Variants in ADAMTS17 observed in about 807,000 individuals in gnomAD.
ADAMTS17 encodes A disintegrin and metalloproteinase with thrombospondin motifs 17.
In ADAMTS17, 113 loss-of-function variants were observed where a neutral mutation model predicts 141.5. That is an observed-to-expected ratio of 0.80 (90% confidence interval 0.69 to 0.93). The LOEUF (loss-of-function observed/expected upper bound fraction) is 0.93. Ranked by LOEUF, ADAMTS17 falls within the 40% of genes least tolerant of loss-of-function variation. The pLI is 0.00. For synonymous variants in ADAMTS17, 768 were observed against 630.6 expected, an observed-to-expected ratio of 1.22 and a Z score of -3.27; for missense variants, 1,659 against 1,517.9, an observed-to-expected ratio of 1.09 and a Z score of -1.54.
At position 99,974,313 on chromosome 15, in the gene ADAMTS17, G is replaced by A. The variant is rs1387237753; in HGVS notation, c.*89C>T. 4 of 1,559,396 alleles carry A rather than the reference G, an allele frequency of 2.6e-6. No individual in the cohort carries two copies. In the Admixed American group the frequency reaches 6.7e-5, roughly 26 times the overall value. ...GTAGTTGGATTCTTGTGGCAGCCGG[G>A]TGGGGGCGTGGCCACAAGGCTGGTA... On this transcript the variant is annotated 3_prime_UTR_variant, in exon 22 of 22. Transcript: ENST00000268070.
intron 15 of ADAMTS17, among the ~76,000 whole-genome samples, chr15:100,077,362 T>C (rs1274734511): frequency 6.8e-6 from 1 of 147,504 alleles, no homozygotes; most frequent in Non-Finnish European, 1.5e-5. Flanking sequence ...CTCAGGAGGC[T>C]GAGGCACGAG....
chr15:100,221,014 C>T (rs1408205089), intron 7 of ADAMTS17, among the ~76,000 whole-genome samples: 1 of 152,180 alleles, frequency 6.6e-6, no homozygotes, highest in Non-Finnish European at 1.5e-5. Context: ...TTCCAATTCT[C>T]TTGGGTACCT....
intron 15 of ADAMTS17, among the ~76,000 whole-genome samples, chr15:100,068,498 C>A (rs1445949860): frequency 1.3e-5 from 2 of 152,170 alleles, no homozygotes; most frequent in East Asian, 3.8e-4. Context: ...TGGGAGGCAC[C>A]CCCCAGTAGG....
chr15:100,134,235 G>C (rs528860523), intron 10 of ADAMTS17, among the ~76,000 whole-genome samples: 1 of 152,184 alleles, frequency 6.6e-6, no homozygotes, highest in South Asian at 2.1e-4. Flanking sequence ...GGATGGCCCC[G>C]CTGCCGACAG....
intron 20 of ADAMTS17, among the ~76,000 whole-genome samples, chr15:99,989,258 C>G (rs1291109763): frequency 6.6e-6 from 1 of 152,142 alleles, no homozygotes; most frequent in Non-Finnish European, 1.5e-5. Context: ...GGGTACCCCA[C>G]AAAAAGGAAA....
chr15:100,206,160 C>T (rs1028170195), intron 7 of ADAMTS17, among the ~76,000 whole-genome samples: 2 of 152,208 alleles, frequency 1.3e-5, no homozygotes, highest in Non-Finnish European at 2.9e-5. Context: ...CTTGGAGTTC[C>T]CTTTCAGGAG....
At chr15:100,289,496 A>G (rs1179447399) in intron 3 of ADAMTS17, among the ~76,000 whole-genome samples, 1 of 152,182 alleles carries the variant, frequency 6.6e-6, no homozygotes, top group East Asian at 1.9e-4. Context: ...TATGGTCAGC[A>G]TCATTCTGAT....
chr15:99,987,839 C>G (rs2060621225), intron 20 of ADAMTS17, among the ~76,000 whole-genome samples: 1 of 151,950 alleles, frequency 6.6e-6, no homozygotes, highest in South Asian at 2.1e-4. Context: ...GGGGAGGTGC[C>G]CAGCCCCCAA....
chr15:100,140,746 C>T (rs1370664021), intron 10 of ADAMTS17, among the ~76,000 whole-genome samples: 2 of 151,916 alleles, frequency 1.3e-5, no homozygotes, highest in East Asian at 1.9e-4. Flanking sequence ...GTTACACTAC[C>T]TCTCCATCAG....
chr15:100,304,145 T>C (rs968131066), intron 3 of ADAMTS17, among the ~76,000 whole-genome samples: 18 of 152,164 alleles, frequency 1.2e-4, no homozygotes, highest in Admixed American at 6.5e-4. Flanking sequence ...CCAGGCTATA[T>C]CATCTCGAAC....
At chr15:100,097,535 C>G (rs1438399047) in intron 14 of ADAMTS17, among the ~76,000 whole-genome samples, 1 of 152,260 alleles carries the variant, frequency 6.6e-6, no homozygotes, top group African/African-American at 2.4e-5. Context: ...GGGTGCCAGG[C>G]TGGCTGCACG....
intron 18 of ADAMTS17, among the ~76,000 whole-genome samples, chr15:100,029,890 C>G (rs1230801196): frequency 6.6e-6 from 1 of 152,198 alleles, no homozygotes; most frequent in Admixed American, 6.5e-5. Flanking sequence ...AGAGCCCTAG[C>G]TAGAAATGTA....
At chr15:100,341,768 G>C in intron 1 of ADAMTS17, 53 bp downstream of exon 1, 1 of 1,535,702 alleles carries the variant, frequency 6.5e-7, no homozygotes. Context: ...AGAACGCAGA[G>C]GGAAGGTAGC....
chr15:100,325,742 A>G (rs2045880470), intron 3 of ADAMTS17, among the ~76,000 whole-genome samples: 1 of 152,158 alleles, frequency 6.6e-6, no homozygotes, highest in Non-Finnish European at 1.5e-5. Flanking sequence ...CCAGAAACAG[A>G]CACTGACACT....
At chr15:100,038,322 C>A (rs1240028300) in intron 18 of ADAMTS17, among the ~76,000 whole-genome samples, 1 of 152,128 alleles carries the variant, frequency 6.6e-6, no homozygotes, top group African/African-American at 2.4e-5. Context: ...CTTTGTTATT[C>A]TTTTCTAAGA....
chr15:99,972,038 T>G lies in ADAMTS17; in HGVS notation c.*2364A>C, dbSNP rs1206789114. Reference sequence around the variant, plus strand: ...AGGCTGAGGCGGGTGGATCATGAGGTCAGGAGATCGAGACCATCCTGGCTA... The same window carrying G: ...AGGCTGAGGCGGGTGGATCATGAGGGCAGGAGATCGAGACCATCCTGGCTA... On this transcript the variant is annotated 3_prime_UTR_variant, in exon 22 of 22. Transcript: ENST00000268070. 2 of 152,212 alleles carry G rather than the reference T, an allele frequency of 1.3e-5. No individual in the cohort carries two copies. Among genetic ancestry groups the G allele is most frequent in the African/African-American group, 4.8e-5 (2 of 41,412 alleles). The allele number at this position is 152,212 out of a possible 1,614,324, so 9.4% of individuals were successfully genotyped here.
intron 15 of ADAMTS17, among the ~76,000 whole-genome samples, chr15:100,095,732 C>T (rs1024115982): frequency 1.3e-5 from 2 of 152,012 alleles, no homozygotes; most frequent in African/African-American, 4.8e-5. Context: ...AAGTTGTGTC[C>T]CATGTAAGAC....
In ADAMTS17 at chr15:100,155,315, C is replaced by T; in HGVS notation, c.1187G>A (p.Gly396Asp). ...TIAHELGHNL[G>D]MNHDDDHSSC... ...TGAGTGGTCATCGTCGTGGTTCATG[C>T]CCAAGCTGTCCAAGAAGGAGGAGAG... Residue 396 changes from glycine to aspartate, a missense_variant, in exon 9 of 22, where the codon GGC becomes GAC. By Grantham distance (94) the Gly-to-Asp change is moderately conservative. Transcript: ENST00000268070. The T allele has an allele frequency of 6.2e-7, 1 of 1,613,554 alleles. No homozygotes were observed. Among genetic ancestry groups the T allele is most frequent in the Non-Finnish European group, 8.5e-7 (1 of 1,179,720 alleles).
At chr15:100,294,394 A>C (rs1266754318) in intron 3 of ADAMTS17, among the ~76,000 whole-genome samples, 1 of 152,112 alleles carries the variant, frequency 6.6e-6, no homozygotes, top group Non-Finnish European at 1.5e-5. Flanking sequence ...CTTCTCTCCT[A>C]GGGCCACCCT....
Sources: allele counts gnomAD v4.1 joint callset (sites outside exome capture counted in the v4.1 genomes callset), GRCh38; gene constraint gnomAD v4.1.1; transcripts MANE v1.5; gene names NCBI Gene and HGNC (gene_info 2026-07-23, HGNC 2026-07-21).